Variants in DST observed in about 807,000 individuals in gnomAD.
DST encodes the protein dystonin.
DST carries 253 observed loss-of-function variants against 875.2 expected under a neutral mutation model. The observed-to-expected ratio is 0.29, with a 90% CI of 0.26 to 0.32. The LOEUF is 0.32. Among genes scored for constraint, DST ranks in the 10% least tolerant of loss-of-function variants. DST has a pLI of 1.00. For synonymous variants in DST, 3,124 were observed against 3,197.1 expected, an observed-to-expected ratio of 0.98 and a Z score of 0.77; for missense variants, 8,287 against 9,111.6, an observed-to-expected ratio of 0.91 and a Z score of 3.68.
rs80021172 is a variant in DST at position 56,480,885 on chromosome 6, T to C, written c.21531+1165A>G. Among the ~76,000 whole-genome samples, 1,013 of 152,242 alleles carry C rather than the reference T, an allele frequency of 6.7e-3. 7 individuals are homozygous for C. Among genetic ancestry groups the C allele is most frequent in the African/African-American group, 0.024 (976 of 41,532 alleles). ...CTACTCTGAGACCCAAACCTAAGTA[T>C]GTTAATGGAACTCAATGCTGGCTGA... On this transcript the variant is annotated intron_variant, in intron 90 of 103. Coordinates refer to ENST00000680361, the MANE Select transcript of DST (RefSeq NM_001374736.1).
At chr6:56,561,710 T>A (rs1222485539) in intron 56 of DST, among the ~76,000 whole-genome samples, 161 bp from the exon 57 acceptor site, 1 of 152,164 alleles carries the variant, frequency 6.6e-6, no homozygotes, top group Non-Finnish European at 1.5e-5. Flanking sequence ...AAAGTTTGGA[T>A]CATCTTATAA....
intron 4 of DST, among the ~76,000 whole-genome samples, chr6:56,748,442 C>T (rs990294919): frequency 6.6e-6 from 1 of 152,156 alleles, no homozygotes; most frequent in African/African-American, 2.4e-5. Context: ...ATCTATAAAA[C>T]AGAATCATAG....
intron 72 of DST, among the ~76,000 whole-genome samples, chr6:56,513,669 G>C (rs9349826): frequency 0.67 from 102,255 of 152,114 alleles, 34,708 homozygotes; most frequent in Non-Finnish European, 0.7. Flanking sequence ...TGGCCGAGGA[G>C]CCTTTTTTAA....
At chr6:56,921,430 A>G (rs1297461197) in intron 2 of DST, among the ~76,000 whole-genome samples, 1 of 152,234 alleles carries the variant, frequency 6.6e-6, no homozygotes, top group Non-Finnish European at 1.5e-5. Flanking sequence ...ATAACTTTGC[A>G]TAATCTATGG....
chr6:56,812,326 G>C (rs1159366139), intron 4 of DST, among the ~76,000 whole-genome samples: 1 of 151,726 alleles, frequency 6.6e-6, no homozygotes, highest in Non-Finnish European at 1.5e-5. Flanking sequence ...TTTTCTACTG[G>C]CTAAAAAAAG....
rs764590338 is a variant in DST, at chr6:56,618,220, T to C, written c.4930-3736A>G. 27 of 1,614,064 alleles carry C rather than the reference T, an allele frequency of 1.7e-5. No homozygotes were observed. In the South Asian group the frequency reaches 2.9e-4, roughly 17 times the overall value. On this transcript the variant is annotated intron_variant, in intron 36 of 103. Coordinates refer to ENST00000680361, the MANE Select transcript of DST (RefSeq NM_001374736.1). ...CGAGTGGAGCCCCTGGTGGCTGGAA[T>C]TGGACTTCTTTGGGTATCTGTTCAA...
At chr6:56,923,934 G>A (rs369044092) in intron 2 of DST, among the ~76,000 whole-genome samples, 1 of 152,104 alleles carries the variant, frequency 6.6e-6, no homozygotes, top group East Asian at 1.9e-4. Flanking sequence ...GACCAGCCAG[G>A]CCTACATGGC....
In DST at chr6:56,604,273, T is replaced by A. The variant is rs755074139; in HGVS notation, c.10355A>T (p.Asp3452Val). 1 of 1,611,970 alleles carries A rather than the reference T, an allele frequency of 6.2e-7. No homozygotes were observed. Among genetic ancestry groups the A allele is most frequent in the Non-Finnish European group, 8.5e-7 (1 of 1,178,966 alleles). ...TCCTGTAATTTTTTGGCTATGTTGA[T>A]CTTGCTTCAATATATTAAGGAGAAG... ...SELLLNILKQDQHSQKITGVF... is the reference protein window; with the variant it reads ...SELLLNILKQVQHSQKITGVF... The change falls in exon 40 of 104, where the codon GAT becomes GTT. Residue 3452 changes from aspartate (D) to valine (V), a missense_variant. Asp to Val is a radical substitution (Grantham distance 152, BLOSUM62 -3). Around this residue, in one of 10 missense-constraint regions of DST, gnomAD observed 3,138 missense variants for 3,116.6 expected, o/e 1.01. Transcript: ENST00000680361.
chr6:56,680,652 G>C (rs1419886134), intron 9 of DST, among the ~76,000 whole-genome samples: 7 of 152,122 alleles, frequency 4.6e-5, no homozygotes, highest in Non-Finnish European at 1.0e-4. Flanking sequence ...TTCCTTCTCA[G>C]TCTTCATTAG....
chr6:56,818,259 A>AT (rs931813010), intron 4 of DST, among the ~76,000 whole-genome samples: 4 of 152,224 alleles, frequency 2.6e-5, no homozygotes, highest in South Asian at 2.1e-4. Flanking sequence ...AAAAATGCCA[A>AT]TTTTTTTAAA....
chr6:56,539,288 A>G (rs1021425938), intron 61 of DST, among the ~76,000 whole-genome samples: 1 of 152,194 alleles, frequency 6.6e-6, no homozygotes, highest in Non-Finnish European at 1.5e-5. Flanking sequence ...ACTAAAGAGT[A>G]TATACTCCCC....
At chr6:56,589,763 T>C (rs1345172268) in intron 49 of DST, among the ~76,000 whole-genome samples, 1 of 152,212 alleles carries the variant, frequency 6.6e-6, no homozygotes, top group Non-Finnish European at 1.5e-5. Flanking sequence ...TATTATGGCC[T>C]AGTAGTATCA....
At chr6:56,470,443 G>A (rs1301211566) in intron 95 of DST, among the ~76,000 whole-genome samples, 161 bp from the exon 96 acceptor site, 1 of 152,044 alleles carries the variant, frequency 6.6e-6, no homozygotes, top group South Asian at 2.1e-4. Context: ...CAAATGAAGA[G>A]TTATATATAA....
chr6:56,569,923 T>G lies in DST; in HGVS notation c.13811A>C (p.Lys4604Thr). 2 of 1,612,126 alleles carry G rather than the reference T, an allele frequency of 1.2e-6. No individual in the cohort carries two copies. The highest frequency in any genetic ancestry group is 3.3e-5 in the Admixed American group (2 of 59,844). ...AGAAGGCTGTACAATGGGAACTTTT[T>G]TTGTTGTTTCTTTTATCCATGACTT... is the stretch of plus-strand genomic sequence containing the variant. The part of the protein sequence containing the change: ...SLKSWIKETT[K>T]KVPIVQPSFG... The change falls in exon 54 of 104, where the codon AAA becomes ACA. Residue 4604 changes from lysine (K) to threonine (T), a missense_variant. Lys to Thr is a moderately conservative substitution (Grantham distance 78). This residue lies in a region of DST where 1,513 missense variants were observed against 1,677.8 expected (regional missense o/e 0.90). Coordinates refer to ENST00000680361, the MANE Select transcript of DST (RefSeq NM_001374736.1).
intron 5 of DST, among the ~76,000 whole-genome samples, chr6:56,734,655 T>C (rs2099516469): frequency 6.6e-6 from 1 of 152,232 alleles, no homozygotes; most frequent in African/African-American, 2.4e-5. Context: ...ATTTTCTGGA[T>C]AGTTTATATT....
intron 3 of DST, among the ~76,000 whole-genome samples, chr6:56,873,541 GA>G (rs1182283965): frequency 1.3e-5 from 2 of 152,166 alleles, no homozygotes; most frequent in Non-Finnish European, 2.9e-5. Context: ...TCATAAAGAA[GA>G]ATGAAATTCT....
chr6:56,721,154 C>A lies in DST; in HGVS notation c.687+14074G>T, dbSNP rs551562053. On this transcript the variant is annotated intron_variant, in intron 5 of 103. Coordinates refer to ENST00000680361, the MANE Select transcript of DST (RefSeq NM_001374736.1). ...CAGCTGCTGGGCAGGGGCGGCCCCC[C>A]CCACCTCCCAGATGGGGCGGCTGCC... 1.1e-4 allele frequency among the ~76,000 whole-genome samples: 16 copies of A among 148,986 alleles called. No individual in the cohort carries two copies. The East Asian group carries it at 1.6e-3, about 15-fold the overall frequency.
intron 49 of DST, among the ~76,000 whole-genome samples, chr6:56,583,494 T>C (rs2098072637): frequency 6.6e-6 from 1 of 152,200 alleles, no homozygotes; most frequent in Non-Finnish European, 1.5e-5. Context: ...TTCTGGATAT[T>C]AGCCCCTTGT....
At chr6:56,532,614 T>C (rs2096916059) in intron 63 of DST, 104 bp from the exon 64 acceptor site, 3 of 1,093,168 alleles carry the variant, frequency 2.7e-6, no homozygotes, top group Admixed American at 2.8e-5. Flanking sequence ...ATGTATTTTG[T>C]ATGTATGCAC....
Sources: allele counts gnomAD v4.1 joint callset (sites outside exome capture counted in the v4.1 genomes callset), GRCh38; gene constraint gnomAD v4.1.1; regional missense constraint gnomAD v4.1.1; transcripts MANE v1.5; gene names NCBI Gene and HGNC (gene_info 2026-07-23, HGNC 2026-07-21).